The following CREM variants were observed in gnomAD, a reference collection of about 807,000 sequenced individuals.
CREM encodes cAMP-responsive element modulator.
Under a neutral mutation model 37.3 loss-of-function variants are expected in CREM, and 13 were observed. That is an observed-to-expected ratio of 0.35 (90% CI 0.23 to 0.55). CREM has a LOEUF of 0.55. CREM is among the 20% of genes least tolerant of loss of function. The probability of loss-of-function intolerance (pLI) is 0.88; values close to 1 mark genes in which losing one functional copy is unlikely to be tolerated. For missense variants in CREM, 296 were observed against 362.3 expected (o/e 0.82, Z 1.49); for synonymous variants, 124 against 120.2 (o/e 1.03, Z -0.21).
chr10:35,181,360 A>T (rs1250668796), intron 5 of CREM, among the ~76,000 whole-genome samples: 1 of 152,222 alleles, frequency 6.6e-6, no homozygotes, highest in Non-Finnish European at 1.5e-5. Context: ...ACATGCTACT[A>T]TTGGCATGAA....
intron 3 of CREM, among the ~76,000 whole-genome samples, chr10:35,156,552 A>G (rs1278307813): frequency 6.6e-6 from 1 of 152,180 alleles, no homozygotes; most frequent in Non-Finnish European, 1.5e-5. Context: ...GTTCAGCCAG[A>G]GACTATTTTC....
chr10:35,149,889 A>AACACACACACACACACACAC lies in CREM; in HGVS notation c.168+1429_168+1448dup, dbSNP rs55971717. ...TAGGTTAGGCCAGGCCTTTTGCTTA[A>AACACACACACACACACACAC]ACACACACACACACACACACACACA... On this transcript the variant is annotated intron_variant, in intron 3 of 7. Transcript: ENST00000685392. 9.5e-3 allele frequency among the ~76,000 whole-genome samples: 1,060 copies of AACACACACACACACACACAC among 111,850 alleles called. 32 individuals are homozygous for AACACACACACACACACACAC. Among genetic ancestry groups the AACACACACACACACACACAC allele is most frequent in the Non-Finnish European group, 0.012 (657 of 54,896 alleles). 73.4% of individuals were successfully genotyped at this position (111,850 alleles called of 152,430 possible). A position where few individuals can be genotyped will look rare whatever the true frequency, so the allele number is the denominator to read the frequency against.
chr10:35,168,779 G>T (rs1285890656), intron 3 of CREM, among the ~76,000 whole-genome samples: 1 of 152,174 alleles, frequency 6.6e-6, no homozygotes, highest in East Asian at 1.9e-4. Flanking sequence ...TTTGTACAAG[G>T]TGTAAGGAAG....
chr10:35,156,001 G>A (rs529478557), intron 3 of CREM, among the ~76,000 whole-genome samples: 33 of 145,680 alleles, frequency 2.3e-4, no homozygotes, highest in Admixed American at 1.7e-3. Flanking sequence ...GTGCAGTGGC[G>A]CGATCTCGGC....
intron 6 of CREM, among the ~76,000 whole-genome samples, chr10:35,199,751 A>G (rs1213528206): frequency 6.6e-6 from 1 of 152,186 alleles, no homozygotes; most frequent in South Asian, 2.1e-4. Flanking sequence ...TGCTCATAGC[A>G]TATTAATGTG....
intron 3 of CREM, among the ~76,000 whole-genome samples, chr10:35,161,720 T>C (rs1196648432): frequency 6.6e-6 from 1 of 150,850 alleles, no homozygotes; most frequent in African/African-American, 2.4e-5. Flanking sequence ...AAAACTACAA[T>C]GAGATATCAC....
At chr10:35,153,487 G>A (rs552344797) in intron 3 of CREM, among the ~76,000 whole-genome samples, 5 of 152,210 alleles carry the variant, frequency 3.3e-5, no homozygotes, top group African/African-American at 1.2e-4. Context: ...TTTCACAAAT[G>A]TATGATCTAC....
intron 2 of CREM, among the ~76,000 whole-genome samples, chr10:35,139,802 A>G (rs1035597155): frequency 6.6e-6 from 1 of 152,354 alleles, no homozygotes; most frequent in Admixed American, 6.5e-5. Flanking sequence ...ATGTAAGATT[A>G]TAATGGACTC....
chr10:35,190,780 G>C (rs112111273), intron 6 of CREM, among the ~76,000 whole-genome samples: 22,966 of 151,920 alleles, frequency 0.15, 1,961 homozygotes, highest in East Asian at 0.24. Context: ...TTCTGCCTCA[G>C]CCTCCCAAGT....
At chr10:35,174,752 C>T (rs891735474) in intron 3 of CREM, among the ~76,000 whole-genome samples, 2 of 152,152 alleles carry the variant, frequency 1.3e-5, no homozygotes, top group Non-Finnish European at 2.9e-5. Context: ...GCCTATAGGA[C>T]AGAGTTGTTT....
At chr10:35,191,390 G>A (rs1590269453) in intron 6 of CREM, among the ~76,000 whole-genome samples, 1 of 152,092 alleles carries the variant, frequency 6.6e-6, no homozygotes, top group Non-Finnish European at 1.5e-5. Flanking sequence ...AAATAGTGAT[G>A]TTTTGTTTCC....
intron 2 of CREM, among the ~76,000 whole-genome samples, chr10:35,140,352 G>T (rs993379296): frequency 1.3e-5 from 2 of 152,040 alleles, no homozygotes; most frequent in African/African-American, 4.8e-5. Context: ...ACTGTAATTC[G>T]CAGGGCACTG....
intron 3 of CREM, among the ~76,000 whole-genome samples, chr10:35,162,899 A>G (rs1213134978): frequency 1.3e-5 from 2 of 152,208 alleles, no homozygotes; most frequent in African/African-American, 4.8e-5. Context: ...CCACCAGAAA[A>G]TAAAATCAAA....
At chr10:35,161,493 C>T (rs1160555615) in intron 3 of CREM, among the ~76,000 whole-genome samples, 2 of 151,488 alleles carry the variant, frequency 1.3e-5, no homozygotes, top group African/African-American at 4.8e-5. Context: ...GACTCCATCT[C>T]AAAAACAAAA....
intron 6 of CREM, among the ~76,000 whole-genome samples, chr10:35,200,995 G>C (rs971545659): frequency 1.4e-5 from 2 of 147,390 alleles, no homozygotes; most frequent in African/African-American, 4.9e-5. Context: ...CTCACTTGTG[G>C]GTTTTTTTTT....
At chr10:35,180,198 A>G (rs534485855) in intron 5 of CREM, among the ~76,000 whole-genome samples, 13 of 152,376 alleles carry the variant, frequency 8.5e-5, no homozygotes, top group African/African-American at 3.1e-4. Flanking sequence ...GAAGAGATTC[A>G]TAATTTTAGT....
At chr10:35,174,167 A>G (rs1164551491) in intron 3 of CREM, among the ~76,000 whole-genome samples, 1 of 152,136 alleles carries the variant, frequency 6.6e-6, no homozygotes, top group Non-Finnish European at 1.5e-5. Flanking sequence ...GTTTCACACT[A>G]TCTGTCCAAC....
At position 35,211,140 on chromosome 10, in the gene CREM, A is replaced by T; in HGVS notation, c.756-114A>T. ...TTATGTTTGTTATGTGGCTTTGTAC[A>T]GTCCTTACCTAGGATCGATTGGCTG... On this transcript the variant is annotated intron_variant, in intron 7 of 7. Transcript: ENST00000685392. 9.2e-7 allele frequency: 1 copy of T among 1,092,238 alleles called. No homozygotes were observed. Among genetic ancestry groups the T allele is most frequent in the Non-Finnish European group, 1.3e-6 (1 of 758,812 alleles). 67.7% of individuals were successfully genotyped at this position (1,092,238 alleles called of 1,614,324 possible).
intron 5 of CREM, among the ~76,000 whole-genome samples, chr10:35,181,855 GC>G (rs2094364957): frequency 6.6e-6 from 1 of 152,166 alleles, no homozygotes; most frequent in South Asian, 2.1e-4. Flanking sequence ...AACCTGGGCA[GC>G]AGAGTGAGAC....
Sources: gnomAD v4.1 joint callset for allele counts (sites outside exome capture counted in the v4.1 genomes callset) on GRCh38, gnomAD v4.1.1 for gene constraint, MANE v1.5 for transcripts, NCBI Gene and HGNC (gene_info 2026-07-23, HGNC 2026-07-21) for gene names.